Variants in SLC13A4 observed in about 807,000 individuals in gnomAD.
SLC13A4 encodes the protein Na(+)/sulfate cotransporter SUT-1.
Under a neutral mutation model 72.7 loss-of-function variants are expected in SLC13A4, and 28 were observed. That is an observed-to-expected ratio of 0.39 (90% confidence interval 0.29 to 0.53). The LOEUF (loss-of-function observed/expected upper bound fraction) is 0.53, where lower values mean the gene tolerates loss of function less well. SLC13A4 is among the 20% of genes least tolerant of loss of function. The pLI, the probability that SLC13A4 is intolerant of heterozygous loss-of-function variation, is 0.78. For synonymous variants in SLC13A4, 312 were observed against 325.5 expected (o/e 0.96, Z 0.45); for missense variants, 653 against 788.0 (o/e 0.83, Z 2.05).
intron 14 of SLC13A4, among the ~76,000 whole-genome samples, chr7:135,684,918 A>G (rs1197973607): frequency 6.6e-6 from 1 of 152,202 alleles, no homozygotes; most frequent in Non-Finnish European, 1.5e-5. Context: ...GCATTGGGTC[A>G]GATGCATCAC....
At position 135,686,541 on chromosome 7, in the gene SLC13A4, CTT is replaced by C. The variant is rs370925403; in HGVS notation, c.1447-860_1447-859del. Among the ~76,000 whole-genome samples, 19 of 152,198 alleles carry C rather than the reference CTT, an allele frequency of 1.2e-4. No homozygotes were observed. The East Asian group carries it at 3.1e-3, about 25-fold the overall frequency. On this transcript the variant is annotated intron_variant, in intron 13 of 15. Transcript: ENST00000682651. ...CAGGCACATACCATCACGCCCTGCTCTTTTTATTTGTAGAGACAGAGTCTTTC... is the reference window on the plus strand; with the variant it reads ...CAGGCACATACCATCACGCCCTGCTCTTTATTTGTAGAGACAGAGTCTTTC...
rs554634859 is a variant in SLC13A4, at chr7:135,681,368, G to A, written c.*195C>T. On this transcript the variant is annotated 3_prime_UTR_variant, in exon 16 of 16. Transcript: ENST00000682651. ...AGGGCAGGAAGAAGACACTAACAGCGAAGCATGTGTTTGTGGTTGTTGGAG... is the reference window on the plus strand; with the variant it reads ...AGGGCAGGAAGAAGACACTAACAGCAAAGCATGTGTTTGTGGTTGTTGGAG... The A allele has an allele frequency of 3.9e-4, 206 of 534,470 alleles. No homozygotes were observed. Among genetic ancestry groups the A allele is most frequent in the South Asian group, 9.5e-4 (20 of 21,026 alleles). 33.1% of individuals were successfully genotyped at this position (534,470 alleles called of 1,614,324 possible).
In SLC13A4 at chr7:135,683,479, T is replaced by TC. The variant is rs1183791621; in HGVS notation, c.1746+644dup. 8,749 of 975,022 alleles carry TC rather than the reference T, an allele frequency of 9.0e-3. 33 individuals carry two copies. Among genetic ancestry groups the TC allele is most frequent in the Non-Finnish European group, 9.5e-3 (7,866 of 824,094 alleles). The allele number at this position is 975,022 out of a possible 1,614,324, so 60.4% of individuals were successfully genotyped here. On this transcript the variant is annotated intron_variant, in intron 15 of 15. Coordinates refer to ENST00000682651, the MANE Select transcript of SLC13A4 (RefSeq NM_001318192.2). ...ATTCGTATCAGTGTTTTCCATCCTCTCCCCCCCCGCTCAGCCCTGGATACT... is the reference window on the plus strand; with the variant it reads ...ATTCGTATCAGTGTTTTCCATCCTCTCCCCCCCCCGCTCAGCCCTGGATACT...
rs1057017890 is a variant in SLC13A4, at chr7:135,692,588, CTGAG to C, written c.1122-168_1122-165del. 12 of 589,664 alleles carry C rather than the reference CTGAG, an allele frequency of 2.0e-5. No homozygotes were observed. In the Admixed American group the frequency reaches 3.7e-4, roughly 18 times the overall value. The allele number at this position is 589,664 out of a possible 1,614,324, so 36.5% of individuals were successfully genotyped here. On this transcript the variant is annotated intron_variant, in intron 10 of 15. Coordinates refer to ENST00000682651, the MANE Select transcript of SLC13A4 (RefSeq NM_001318192.2). Reference sequence around the variant, plus strand: ...GGCTGACAGTGAGATGAGGAGAAGACTGAGTGGCCCCAGAAAACATGACATTAAC... The same window carrying C: ...GGCTGACAGTGAGATGAGGAGAAGACTGGCCCCAGAAAACATGACATTAAC...
At position 135,699,423 on chromosome 7, in the gene SLC13A4, G is replaced by A. The variant is rs1054486014; in HGVS notation, c.840C>T (p.Gly280=). ...SLSISYSATI[G]GLTTIIGTST... is the part of the protein sequence containing the mutation. ...AGGTGCCGATGATGGTGGTCAGGCCGCCAATGGTAGCGGAGTAGGATATGC... is the reference window on the plus strand; with the variant it reads ...AGGTGCCGATGATGGTGGTCAGGCCACCAATGGTAGCGGAGTAGGATATGC... The change falls in exon 8 of 16, where the codon GGC becomes GGT. Residue 280 remains glycine, a synonymous_variant. Transcript: ENST00000682651. The A allele has an allele frequency of 4.3e-6, 7 of 1,613,168 alleles. No homozygotes were observed. The South Asian group carries it at 5.5e-5, about 13-fold the overall frequency.
At chr7:135,691,752 T>C (rs1048307146) in intron 11 of SLC13A4, 107 bp from the exon 12 acceptor site, 2 of 719,934 alleles carry the variant, frequency 2.8e-6, no homozygotes, top group East Asian at 2.7e-5. Context: ...TTAGGACTTA[T>C]CTAGAGGTAA....
rs577541027 is a variant in SLC13A4, at chr7:135,715,772, CAACACATT to C, written c.228+5615_228+5622del. 4.5e-3 allele frequency among the ~76,000 whole-genome samples: 692 copies of C among 152,284 alleles called. 4 individuals carry two copies. Among genetic ancestry groups the C allele is most frequent in the African/African-American group, 0.016 (670 of 41,546 alleles). On this transcript the variant is annotated intron_variant, in intron 2 of 15. Coordinates refer to ENST00000682651, the MANE Select transcript of SLC13A4 (RefSeq NM_001318192.2). Reference sequence around the variant, plus strand: ...ATGCCCAGGCTATAAACTTTTGGAGCAACACATTAGAAGGGGCTTAGAGGACTTCAGAG... The same window carrying C: ...ATGCCCAGGCTATAAACTTTTGGAGCAGAAGGGGCTTAGAGGACTTCAGAG...
At position 135,684,107 on chromosome 7, in the gene SLC13A4, AG is replaced by A. The variant is rs1795567127; in HGVS notation, c.1746+16del. ...CATGGCAGCTGGGCCTGGCAGGGAGAGGGCACCCCAACTCACCATATCTTTG... is the reference window on the plus strand; with the variant it reads ...CATGGCAGCTGGGCCTGGCAGGGAGAGGCACCCCAACTCACCATATCTTTG... On this transcript the variant is annotated intron_variant, in intron 15 of 15. Transcript: ENST00000682651. The A allele has an allele frequency of 1.3e-6, 2 of 1,581,604 alleles. No homozygotes were observed. Among genetic ancestry groups the A allele is most frequent in the Non-Finnish European group, 1.7e-6 (2 of 1,159,020 alleles).
chr7:135,721,495 A>G lies in SLC13A4; in HGVS notation c.128T>C (p.Val43Ala), dbSNP rs745562790. 1 of 1,613,978 alleles carries G rather than the reference A, an allele frequency of 6.2e-7. No individual in the cohort carries two copies. Among genetic ancestry groups the G allele is most frequent in the African/African-American group, 1.3e-5 (1 of 74,936 alleles). Residue 43 changes from valine to alanine, a missense_variant, in exon 2 of 16, where the codon GTG (valine) becomes GCG (alanine). By Grantham distance (64) the Val-to-Ala change is moderately conservative. Coordinates refer to ENST00000682651, the MANE Select transcript of SLC13A4 (RefSeq NM_001318192.2). The part of the protein sequence containing the change: ...SEASCAYVLI[V>A]TAVYWVSEAV... ...CTCCGACACCCAGTACACAGCAGTC[A>G]CGATCAGCACGTAAGCACACGAGGC...
At position 135,717,815 on chromosome 7, in the gene SLC13A4, C is replaced by T. The variant is rs541384629; in HGVS notation, c.228+3580G>A. Among the ~76,000 whole-genome samples, 7 of 152,240 alleles carry T rather than the reference C, an allele frequency of 4.6e-5. No homozygotes were observed. The South Asian group carries it at 1.5e-3, about 32-fold the overall frequency. ...CCTCTGCCATCTGGACAGACATCATCCAATCTGTCGAGGGCCTGACTAGAA... is the reference window on the plus strand; with the variant it reads ...CCTCTGCCATCTGGACAGACATCATTCAATCTGTCGAGGGCCTGACTAGAA... On this transcript the variant is annotated intron_variant, in intron 2 of 15. Coordinates refer to ENST00000682651, the MANE Select transcript of SLC13A4 (RefSeq NM_001318192.2).
intron 1 of SLC13A4, among the ~76,000 whole-genome samples, chr7:135,724,947 A>G (rs1796623826): frequency 6.6e-6 from 1 of 152,202 alleles, no homozygotes; most frequent in South Asian, 2.1e-4. Flanking sequence ...TCCCATGTCT[A>G]GCAGGTGGTT....
At chr7:135,681,941 A>G (rs1795512289) in intron 15 of SLC13A4, among the ~76,000 whole-genome samples, 3 of 152,208 alleles carry the variant, frequency 2.0e-5, no homozygotes, top group Non-Finnish European at 2.9e-5. Context: ...GTGGAAGCCT[A>G]GAAGGTATGT....
intron 2 of SLC13A4, among the ~76,000 whole-genome samples, chr7:135,712,023 C>T (rs572646690): frequency 9.4e-6 from 1 of 106,052 alleles, no homozygotes; most frequent in South Asian, 3.3e-4. Context: ...CTTTAACCAG[C>T]TTGTTGGCCA....
chr7:135,681,315 CTT>C lies in SLC13A4; in HGVS notation c.*246_*247del, dbSNP rs1206261403. On this transcript the variant is annotated 3_prime_UTR_variant, in exon 16 of 16. Coordinates refer to ENST00000682651, the MANE Select transcript of SLC13A4 (RefSeq NM_001318192.2). ...TGTGAGCCTATGGCTTGTATTGAAA[CTT>C]TAGGTTTTCTTGAGCTGTGGTGCTG... The C allele has an allele frequency of 2.7e-6, 1 of 376,528 alleles. No homozygotes were observed. The highest frequency in any genetic ancestry group is 2.1e-5 in the African/African-American group (1 of 48,250). The allele number at this position is 376,528 out of a possible 1,614,324, so 23.3% of individuals were successfully genotyped here.
intron 13 of SLC13A4, chr7:135,688,845 C>T (rs1341447389): frequency 1.3e-5 from 2 of 151,818 alleles, no homozygotes; most frequent in Non-Finnish European, 2.9e-5. Context: ...AATATGTGCA[C>T]AATTTTGTTT....
Position 135,681,347 on chromosome 7 carries a change from C to CA in SLC13A4, c.*215dup. The CA allele has an allele frequency of 4.4e-6, 2 of 453,358 alleles. No homozygotes were observed. The highest frequency in any genetic ancestry group is 7.7e-6 in the Non-Finnish European group (2 of 260,084). The allele number at this position is 453,358 out of a possible 1,614,324, so 28.1% of individuals were successfully genotyped here. ...TTTTCTTGAGCTGTGGTGCTGAGGG[C>CA]AGGAAGAAGACACTAACAGCGAAGC... On this transcript the variant is annotated 3_prime_UTR_variant, in exon 16 of 16. Coordinates refer to ENST00000682651, the MANE Select transcript of SLC13A4 (RefSeq NM_001318192.2).
rs755396732 is a variant in SLC13A4, at chr7:135,708,243, G to A, written c.236C>T (p.Ala79Val). The A allele has an allele frequency of 6.2e-7, 1 of 1,614,118 alleles. No homozygotes were observed. The highest frequency in any genetic ancestry group is 8.5e-7 in the Non-Finnish European group (1 of 1,179,992). ...CAGCGTGGTGTTCTTGAAGTACTCC[G>A]CCGCCACCTGTAGGGAGGCCAGGCA... Reference protein sequence around the residue: ...FGVLRSNEVAAEYFKNTTLLL... With the variant: ...FGVLRSNEVAVEYFKNTTLLL... Residue 79 changes from alanine (A) to valine (V), a missense_variant, in exon 3 of 16, where the codon GCG becomes GTG. Physicochemically the swap from Ala to Val is moderately conservative, Grantham distance 64 (BLOSUM62 0). Transcript: ENST00000682651.
chr7:135,699,047 C>T (rs984824737), intron 8 of SLC13A4, among the ~76,000 whole-genome samples: 2 of 152,126 alleles, frequency 1.3e-5, no homozygotes, highest in Non-Finnish European at 2.9e-5. Flanking sequence ...CTCCACAATT[C>T]TGTCTCAACC....
Position 135,694,159 on chromosome 7 carries a change from A to G in SLC13A4, c.1099T>C (p.Tyr367His), listed in dbSNP as rs1474829131. The G allele has an allele frequency of 1.2e-6, 2 of 1,610,846 alleles. No homozygotes were observed. Among genetic ancestry groups the G allele is most frequent in the African/African-American group, 1.3e-5 (1 of 74,824 alleles). ...QLSEKRIQEE[Y>H]EKLGDISYPE... is the part of the protein sequence containing the mutation. ...TACCTAATGTCTCCCAGTTTTTCAT[A>G]TTCTTCTTGGATCCTCTTCTCTGAC... The change falls in exon 10 of 16, where the codon TAT (tyrosine) becomes CAT (histidine). Residue 367 changes from tyrosine (Y) to histidine (H), a missense_variant. Tyr to His is a moderately conservative substitution (Grantham distance 83). Transcript: ENST00000682651.
Sources: gnomAD v4.1 joint callset for allele counts (sites outside exome capture counted in the v4.1 genomes callset) on GRCh38, gnomAD v4.1.1 for gene constraint, MANE v1.5 for transcripts, NCBI Gene and HGNC (gene_info 2026-07-23, HGNC 2026-07-21) for gene names.